The following MCM10 variants were observed in gnomAD, a reference collection of about 807,000 sequenced individuals.
The protein encoded by MCM10 is protein MCM10 homolog.
In MCM10, 91 loss-of-function variants were observed where a neutral mutation model predicts 109.9. The observed-to-expected ratio is 0.83, with a 90% CI of 0.70 to 0.99. The LOEUF (loss-of-function observed/expected upper bound fraction) is 0.99. Among genes scored for constraint, MCM10 ranks in the 50% least tolerant of loss-of-function variants. The pLI is 0.00. For synonymous variants in MCM10, 380 were observed against 387.2 expected (o/e 0.98, Z 0.22); for missense variants, 1,077 against 1,061.2 (o/e 1.01, Z -0.21).
chr10:13,194,439 G>T (rs1834389186), intron 13 of MCM10, among the ~76,000 whole-genome samples: 1 of 152,172 alleles, frequency 6.6e-6, no homozygotes, highest in African/African-American at 2.4e-5. Flanking sequence ...CCCAACACTT[G>T]GGAGGCTGAG....
At chr10:13,196,705 G>C (rs929785557) in intron 14 of MCM10, among the ~76,000 whole-genome samples, 1 of 151,786 alleles carries the variant, frequency 6.6e-6, no homozygotes, top group Admixed American at 6.6e-5. Context: ...AAGAGACAGG[G>C]TTTCACCATG....
At chr10:13,195,609 T>C (rs1834409157) in intron 14 of MCM10, 1 of 96,976 alleles carries the variant, frequency 1.0e-5, no homozygotes, top group African/African-American at 3.3e-5. Context: ...TTTATTTATT[T>C]ATTTATTTAT....
chr10:13,192,407 C>T, intron 12 of MCM10, 42 bp downstream of exon 12: 1 of 1,612,080 alleles, frequency 6.2e-7, no homozygotes, highest in Non-Finnish European at 8.5e-7. Context: ...CCTGTGTTCC[C>T]TCAGCCTCCC....
chr10:13,176,955 T>G (rs1834149333), intron 6 of MCM10, among the ~76,000 whole-genome samples: 1 of 152,220 alleles, frequency 6.6e-6, no homozygotes, highest in South Asian at 2.1e-4. Context: ...TGTATTTATA[T>G]CTTAATTACA....
At chr10:13,175,793 T>C in intron 6 of MCM10, 112 bp downstream of exon 6, 1 of 737,966 alleles carries the variant, frequency 1.4e-6, no homozygotes, top group Non-Finnish European at 2.2e-6. Flanking sequence ...CACCAGCAGC[T>C]CTTGAACTGG....
chr10:13,172,787 T>G lies in MCM10; in HGVS notation c.592+22T>G. On this transcript the variant is annotated intron_variant, in intron 5 of 19. Coordinates refer to ENST00000378714, the MANE Select transcript of MCM10 (RefSeq NM_018518.5). This position sits in a 1 kb window ranked among gnomAD's most constrained non-coding sequence, Gnocchi z 5.2. ...CCAGGTGTAGTACTTGCGGTCTCAG[T>G]ATCTTGGCACTATTGTATGTGTTTA... 6.2e-7 allele frequency: 1 copy of G among 1,613,186 alleles called. No homozygotes were observed. Among genetic ancestry groups the G allele is most frequent in the Non-Finnish European group, 8.5e-7 (1 of 1,179,580 alleles).
chr10:13,176,930 T>G (rs1834149190), intron 6 of MCM10, among the ~76,000 whole-genome samples: 1 of 152,162 alleles, frequency 6.6e-6, no homozygotes, highest in African/African-American at 2.4e-5. Flanking sequence ...GTTGGTATTC[T>G]CCAAAACTGA....
In MCM10 at chr10:13,172,076, T is replaced by C. The variant is rs938636430; in HGVS notation, c.350-300T>C. ...GGCACGAGCCACCATGCCTGGCCTA[T>C]AATTATTTCTCAACTCCTAAAAACT... On this transcript the variant is annotated intron_variant, in intron 3 of 19. Coordinates refer to ENST00000378714, the MANE Select transcript of MCM10 (RefSeq NM_018518.5). The surrounding 1 kb of genome is among the most constrained non-coding windows in gnomAD (Gnocchi z 5.2). 3.3e-5 allele frequency among the ~76,000 whole-genome samples: 5 copies of C among 152,164 alleles called. No individual in the cohort carries two copies. Among genetic ancestry groups the C allele is most frequent in the African/African-American group, 9.7e-5 (4 of 41,438 alleles).
At chr10:13,195,353 T>G in intron 14 of MCM10, 84 bp downstream of exon 14, 1 of 981,480 alleles carries the variant, frequency 1.0e-6, no homozygotes, top group Middle Eastern at 2.3e-4. Flanking sequence ...TAATAGCTCT[T>G]TATTGATCGT....
chr10:13,180,771 G>A (rs1834200360), intron 7 of MCM10, among the ~76,000 whole-genome samples, 164 bp downstream of exon 7: 1 of 152,178 alleles, frequency 6.6e-6, no homozygotes, highest in Admixed American at 6.5e-5. Context: ...GCGGGTATAA[G>A]CAAAGGATGC....
intron 6 of MCM10, among the ~76,000 whole-genome samples, chr10:13,178,960 G>A (rs553536114): frequency 1.3e-5 from 2 of 152,222 alleles, no homozygotes; most frequent in Admixed American, 6.5e-5. Context: ...TTTATTTGGA[G>A]CAGTTGTAAA....
At chr10:13,178,524 G>T (rs1401501414) in intron 6 of MCM10, among the ~76,000 whole-genome samples, 1 of 152,180 alleles carries the variant, frequency 6.6e-6, no homozygotes, top group Admixed American at 6.5e-5. Flanking sequence ...TATGTTCTTT[G>T]CACCTTTGTT....
rs148636572 is a variant in MCM10 at position 13,185,862 on chromosome 10, G to A, written c.1099-302G>A. Among the ~76,000 whole-genome samples the A allele has an allele frequency of 4.3e-3, 649 of 152,274 alleles. 4 individuals are homozygous for A. Among genetic ancestry groups the A allele is most frequent in the Admixed American group, 9.6e-3 (147 of 15,296 alleles). On this transcript the variant is annotated intron_variant, in intron 8 of 19. Coordinates refer to ENST00000378714, the MANE Select transcript of MCM10 (RefSeq NM_018518.5). ...TTCAGCCTGGACTTCCCAAGCTCTA[G>A]TGATCCTCCCACTTCAGCCCCCCAA...
At chr10:13,179,036 T>C (rs1453839971) in intron 6 of MCM10, among the ~76,000 whole-genome samples, 1 of 152,228 alleles carries the variant, frequency 6.6e-6, no homozygotes, top group African/African-American at 2.4e-5. Context: ...GCTACTGATT[T>C]TTGAATATTG....
At chr10:13,202,914 G>A (rs1283363724) in intron 17 of MCM10, among the ~76,000 whole-genome samples, 1 of 151,988 alleles carries the variant, frequency 6.6e-6, no homozygotes, top group African/African-American at 2.4e-5. Context: ...GCACAGTCTC[G>A]GCTCACTGCA....
intron 18 of MCM10, among the ~76,000 whole-genome samples, chr10:13,208,724 A>T (rs1308835856): frequency 6.6e-6 from 1 of 152,138 alleles, no homozygotes; most frequent in Non-Finnish European, 1.5e-5. Context: ...CCAAACATAG[A>T]TTATCCTGCA....
At chr10:13,191,154 C>T (rs559917589) in intron 10 of MCM10, 145 bp from the exon 11 acceptor site, 10 of 599,976 alleles carry the variant, frequency 1.7e-5, no homozygotes, top group Admixed American at 1.4e-4. Flanking sequence ...GCTATTGGGC[C>T]GTAACATTAA....
intron 17 of MCM10, chr10:13,201,800 C>G (rs1016451353): frequency 3.5e-5 from 14 of 401,874 alleles, no homozygotes; most frequent in Non-Finnish European, 4.6e-6. Context: ...CATCTCTTGC[C>G]CTGGACCACT....
intron 13 of MCM10, among the ~76,000 whole-genome samples, chr10:13,194,041 G>A (rs982216979): frequency 1.3e-5 from 2 of 151,760 alleles, no homozygotes; most frequent in African/African-American, 4.8e-5. Context: ...TGGACTAGAT[G>A]ATTTCTGGGG....
Sources: allele counts gnomAD v4.1 joint callset (sites outside exome capture counted in the v4.1 genomes callset), GRCh38; gene constraint gnomAD v4.1.1; non-coding constraint Gnocchi (gnomAD v3.1); transcripts MANE v1.5; gene names NCBI Gene and HGNC (gene_info 2026-07-23, HGNC 2026-07-21).